FNIP2: variants seen among roughly 807,000 people sequenced by gnomAD.
FNIP2 encodes the protein folliculin interacting protein 2.
A neutral mutation model predicts 108.7 loss-of-function variants in FNIP2; 32 were observed. The ratio of observed to expected loss-of-function variants is 0.29; its 90% CI spans 0.22 to 0.40. The LOEUF is 0.40. Ranked by LOEUF, FNIP2 falls within the 10% of genes least tolerant of loss-of-function variation. FNIP2 has a pLI of 1.00. For synonymous variants in FNIP2, 480 were observed against 496.7 expected, an observed-to-expected ratio of 0.97 and a Z score of 0.45; for missense variants, 1,202 against 1,381.6, an observed-to-expected ratio of 0.87 and a Z score of 2.06.
At position 158,777,847 on chromosome 4, in the gene FNIP2, T is replaced by G. The variant is rs567474149; in HGVS notation, c.107+8528T>G. Among the ~76,000 whole-genome samples, 9 of 152,364 alleles carry G rather than the reference T, an allele frequency of 5.9e-5. 1 individual carries two copies. In the South Asian group the frequency reaches 1.9e-3, roughly 32 times the overall value. On this transcript the variant is annotated intron_variant, in intron 1 of 16. Transcript: ENST00000264433. ...ATTTTAAGATTTTTTCAAACATATC[T>G]GGTTAAAAGTTCATATAAAATATGT...
At chr4:158,844,838 A>G (rs984032022) in intron 7 of FNIP2, among the ~76,000 whole-genome samples, 1 of 152,256 alleles carries the variant, frequency 6.6e-6, no homozygotes, top group African/African-American at 2.4e-5. Flanking sequence ...GTTAAACATT[A>G]ATCTTGAACT....
At chr4:158,870,128 C>G (rs1162347649) in intron 13 of FNIP2, among the ~76,000 whole-genome samples, 185 bp from the exon 14 acceptor site, 2 of 151,660 alleles carry the variant, frequency 1.3e-5, no homozygotes, top group African/African-American at 4.8e-5. Context: ...TTTTTTTCTT[C>G]CAGCCTTCCA....
chr4:158,790,014 G>A (rs1354768492), intron 1 of FNIP2, among the ~76,000 whole-genome samples: 1 of 151,984 alleles, frequency 6.6e-6, no homozygotes, highest in East Asian at 1.9e-4. Flanking sequence ...TTCCACACCT[G>A]ACCTTATGGG....
intron 14 of FNIP2, among the ~76,000 whole-genome samples, chr4:158,886,885 T>C (rs953452125): frequency 6.6e-6 from 1 of 152,332 alleles, no homozygotes; most frequent in African/African-American, 2.4e-5. Flanking sequence ...GTAGGCTTTT[T>C]GGTTTGTTTT....
rs751977152 is a variant in FNIP2, at chr4:158,769,305, A to C, written c.93A>C (p.Glu31Asp). ...AASAQGRAPKEGPAFSWSCSE... is the reference protein window; with the variant it reads ...AASAQGRAPKDGPAFSWSCSE... ...CTGCCCAGGGCAGGGCTCCTAAGGA[A>C]GGACCCGCCTTTAGGTGAGGGGGCG... Residue 31 changes from glutamate to aspartate, a missense_variant, in exon 1 of 17, where the codon GAA becomes GAC. Glu to Asp is a conservative substitution (Grantham distance 45). Transcript: ENST00000264433. 4.0e-6 allele frequency: 6 copies of C among 1,514,526 alleles called. No individual in the cohort carries two copies. The highest frequency in any genetic ancestry group is 4.4e-6 in the Non-Finnish European group (5 of 1,131,886). The allele number at this position is 1,514,526 out of a possible 1,614,324, so 93.8% of individuals were successfully genotyped here.
intron 16 of FNIP2, among the ~76,000 whole-genome samples, chr4:158,903,394 G>A (rs1238181030): frequency 1.3e-5 from 2 of 152,136 alleles, no homozygotes; most frequent in Non-Finnish European, 2.9e-5. Context: ...ATCTTGCTGG[G>A]AGCTGCAGAC....
rs759933699 is a variant in FNIP2, at chr4:158,868,528, C to G, written c.1892C>G (p.Ala631Gly). The G allele has an allele frequency of 2.5e-6, 4 of 1,613,760 alleles. No homozygotes were observed. Among genetic ancestry groups the G allele is most frequent in the Non-Finnish European group, 3.4e-6 (4 of 1,179,846 alleles). ...RPEQGSEACS[A>G]GCLGPASDAS... Reference sequence around the variant, plus strand: ...GAGCAGGGTTCTGAGGCTTGCAGCGCAGGGTGCCTGGGGCCAGCATCAGAC... The same window carrying G: ...GAGCAGGGTTCTGAGGCTTGCAGCGGAGGGTGCCTGGGGCCAGCATCAGAC... Residue 631 changes from alanine to glycine, a missense_variant, in exon 13 of 17, where the codon GCA becomes GGA. Transcript: ENST00000264433. The surrounding 1 kb of genome is among the most constrained non-coding windows in gnomAD (Gnocchi z 4.6).
intron 8 of FNIP2, among the ~76,000 whole-genome samples, chr4:158,854,038 A>G (rs1030969769): frequency 6.6e-5 from 10 of 152,324 alleles, no homozygotes; most frequent in African/African-American, 2.4e-4. Flanking sequence ...TTTTTTGTCC[A>G]GTATAACAAT....
At chr4:158,820,354 A>G (rs867597364) in intron 1 of FNIP2, among the ~76,000 whole-genome samples, 5 of 152,314 alleles carry the variant, frequency 3.3e-5, no homozygotes, top group Middle Eastern at 3.4e-3. Flanking sequence ...CAACACCCAC[A>G]CTAGAACTGG....
At chr4:158,879,187 A>G (rs1720412125) in intron 14 of FNIP2, among the ~76,000 whole-genome samples, 1 of 150,586 alleles carries the variant, frequency 6.6e-6, no homozygotes, top group African/African-American at 2.5e-5. Context: ...CCAAGTAGGG[A>G]GAATATTAAC....
intron 8 of FNIP2, among the ~76,000 whole-genome samples, chr4:158,853,263 T>G (rs1276485026): frequency 6.6e-6 from 1 of 152,246 alleles, no homozygotes; most frequent in Non-Finnish European, 1.5e-5. Context: ...TGATAGTCAC[T>G]CCTGGCAAAT....
rs1781621662 is a variant in FNIP2, at chr4:158,881,459, TCTCCCTCTCCCTCTCTTTCCAC to T, written c.2950-9986_2950-9965del. On this transcript the variant is annotated intron_variant, in intron 14 of 16. Coordinates refer to ENST00000264433, the MANE Select transcript of FNIP2 (RefSeq NM_020840.3). ...TCTCCCTCTCCCTCTCTTTCCACGG[TCTCCCTCTCCCTCTCTTTCCAC>T]GGTCTCCCTCTGATGCTGAGCCGAA... is the stretch of plus-strand genomic sequence containing the variant. 5.3e-5 allele frequency among the ~76,000 whole-genome samples: 8 copies of T among 149,702 alleles called. No individual in the cohort carries two copies. The East Asian group carries it at 9.9e-4, about 19-fold the overall frequency.
chr4:158,864,795 G>A (rs1233997789), intron 12 of FNIP2, among the ~76,000 whole-genome samples: 2 of 151,118 alleles, frequency 1.3e-5, no homozygotes, highest in Non-Finnish European at 2.9e-5. Context: ...TACCCTCCTG[G>A]CTGTTATCTC....
intron 1 of FNIP2, among the ~76,000 whole-genome samples, chr4:158,781,319 A>T (rs146509960): frequency 6.6e-6 from 1 of 152,320 alleles, no homozygotes; most frequent in African/African-American, 2.4e-5. Context: ...CTGAGTTAAA[A>T]ATGGGTGGAC....
chr4:158,829,038 T>C (rs750310816), intron 2 of FNIP2, 41 bp from the exon 3 acceptor site: 1 of 1,505,494 alleles, frequency 6.6e-7, no homozygotes, highest in Non-Finnish European at 9.0e-7. Flanking sequence ...GAACCTGATA[T>C]ACTTAGTAAT....
At chr4:158,890,872 TC>T (rs1782240142) in intron 14 of FNIP2, among the ~76,000 whole-genome samples, 2 of 152,062 alleles carry the variant, frequency 1.3e-5, no homozygotes, top group Admixed American at 6.6e-5. Flanking sequence ...AACAAGGAAT[TC>T]CCAGGGAAGG....
In FNIP2 at chr4:158,769,123, G is replaced by A. The variant is rs1775602141; in HGVS notation, c.-90G>A. The A allele has an allele frequency of 4.5e-6, 2 of 443,846 alleles. No individual in the cohort carries two copies. Among genetic ancestry groups the A allele is most frequent in the African/African-American group, 2.2e-5 (1 of 46,272 alleles). The allele number at this position is 443,846 out of a possible 1,614,324, so 27.5% of individuals were successfully genotyped here. A position where few individuals can be genotyped will look rare whatever the true frequency, so the allele number is the denominator to read the frequency against. On this transcript the variant is annotated 5_prime_UTR_variant, in exon 1 of 17. Coordinates refer to ENST00000264433, the MANE Select transcript of FNIP2 (RefSeq NM_020840.3). The stretch of plus-strand genomic sequence containing the variant: ...CAAGGCTGGGCGGCCGCGCCGCCGC[G>A]ATGGCCCCGCCACCGCGGCCGCCGC...
intron 14 of FNIP2, chr4:158,872,602 A>G (rs1781015946): frequency 2.0e-6 from 2 of 985,250 alleles, no homozygotes; most frequent in South Asian, 9.4e-5. Flanking sequence ...AAATATCTTC[A>G]GAAGTTTAAT....
At chr4:158,847,826 C>T (rs561840869) in intron 7 of FNIP2, among the ~76,000 whole-genome samples, 1 of 152,308 alleles carries the variant, frequency 6.6e-6, no homozygotes, top group South Asian at 2.1e-4. Flanking sequence ...CTGAAGAGCC[C>T]TTGGGCGTTA....
Sources: allele counts gnomAD v4.1 joint callset (sites outside exome capture counted in the v4.1 genomes callset), GRCh38; gene constraint gnomAD v4.1.1; non-coding constraint Gnocchi (gnomAD v3.1); transcripts MANE v1.5; gene names NCBI Gene and HGNC (gene_info 2026-07-23, HGNC 2026-07-21).